Variants in MMS19 observed in about 807,000 individuals in gnomAD.
MMS19 encodes MMS19 nucleotide excision repair protein homolog.
A neutral mutation model predicts 129.8 loss-of-function variants in MMS19; 77 were observed. The observed-to-expected ratio is 0.59, with a 90% CI of 0.49 to 0.72. The LOEUF is 0.72. Ranked by LOEUF, MMS19 falls within the 30% of genes least tolerant of loss-of-function variation. The probability of loss-of-function intolerance (pLI) is 0.00; values close to 1 mark genes in which losing one functional copy is unlikely to be tolerated. For synonymous variants in MMS19, 491 were observed against 502.8 expected (o/e 0.98, Z 0.31); for missense variants, 1,168 against 1,266.3 (o/e 0.92, Z 1.18).
At chr10:97,483,792 C>G (rs143789502) in intron 2 of MMS19, among the ~76,000 whole-genome samples, 200 of 152,336 alleles carry the variant, frequency 1.3e-3, no homozygotes, top group Non-Finnish European at 2.3e-3. Context: ...TACAGATGCA[C>G]AAAGGAATCA....
intron 8 of MMS19, among the ~76,000 whole-genome samples, chr10:97,472,400 G>A (rs1260798707): frequency 6.6e-6 from 1 of 152,020 alleles, no homozygotes; most frequent in Admixed American, 6.6e-5. Context: ...ACCATGCCCG[G>A]CTAATTTTTT....
chr10:97,498,151 AC>A (rs1221749323), intron 1 of MMS19, 121 bp downstream of exon 1: 2 of 910,798 alleles, frequency 2.2e-6, no homozygotes, highest in African/African-American at 3.4e-5. Context: ...GTGCTCACTA[AC>A]CAGCCTTGAG....
At chr10:97,498,215 G>A in intron 1 of MMS19, 58 bp downstream of exon 1, 1 of 1,479,898 alleles carries the variant, frequency 6.8e-7, no homozygotes. Context: ...CGCCTGTACT[G>A]AGGCCGCTCC....
chr10:97,492,599 T>C (rs11591644), intron 1 of MMS19, among the ~76,000 whole-genome samples: 35,738 of 147,766 alleles, frequency 0.24, 4,448 homozygotes, highest in Non-Finnish European at 0.28. Context: ...CTGTAATCCT[T>C]GCACTTTGGG....
At chr10:97,492,344 G>A (rs564718521) in intron 1 of MMS19, among the ~76,000 whole-genome samples, 11 of 151,294 alleles carry the variant, frequency 7.3e-5, no homozygotes, top group Admixed American at 2.0e-4. Flanking sequence ...GCGTGGTGGC[G>A]GGCGCCTGTA....
At chr10:97,486,191 T>C (rs1195925042) in intron 1 of MMS19, among the ~76,000 whole-genome samples, 1 of 152,216 alleles carries the variant, frequency 6.6e-6, no homozygotes, top group African/African-American at 2.4e-5. Flanking sequence ...TTTGTTTGTT[T>C]GTTTTTTTCT....
At chr10:97,468,674 C>T (rs1010128069) in intron 12 of MMS19, among the ~76,000 whole-genome samples, 7 of 152,036 alleles carry the variant, frequency 4.6e-5, no homozygotes, top group Non-Finnish European at 8.8e-5. Context: ...AGTGCAGTGG[C>T]GCAATCTCAG....
intron 8 of MMS19, among the ~76,000 whole-genome samples, chr10:97,471,927 G>A (rs1157845746): frequency 6.6e-6 from 1 of 152,174 alleles, no homozygotes; most frequent in Non-Finnish European, 1.5e-5. Flanking sequence ...AAAATCAGAG[G>A]TCCAACAGAA....
At position 97,462,035 on chromosome 10, in the gene MMS19, G is replaced by T. The variant is rs2133312855; in HGVS notation, c.2097C>A (p.Ser699Arg). The T allele has an allele frequency of 6.3e-7, 1 of 1,591,668 alleles. No homozygotes were observed. The highest frequency in any genetic ancestry group is 1.8e-5 in the Admixed American group (1 of 56,516). The change falls in exon 21 of 31, where the codon AGC becomes AGA. Residue 699 changes from serine to arginine, a missense_variant. Coordinates refer to ENST00000438925, the MANE Select transcript of MMS19 (RefSeq NM_022362.5). ...VSFLPENSFP[S>R]RFQPFQDGSS... ...CTGTTACCTGGAATGGCTGGAATCT[G>T]CTCGGGAAGCTGTTTTCAGGCAGAA...
At chr10:97,490,161 C>T (rs1047474762) in intron 1 of MMS19, among the ~76,000 whole-genome samples, 1 of 152,086 alleles carries the variant, frequency 6.6e-6, no homozygotes, top group Non-Finnish European at 1.5e-5. Flanking sequence ...TCACTGCAGC[C>T]TCGACTTCCC....
chr10:97,485,777 T>C (rs779137296), intron 1 of MMS19, among the ~76,000 whole-genome samples: 1 of 152,214 alleles, frequency 6.6e-6, no homozygotes, highest in Non-Finnish European at 1.5e-5. Context: ...TAGTGAGATA[T>C]CACTTCATAC....
rs762133054 is a variant in MMS19 at position 97,480,925 on chromosome 10, A to G, written c.262+17T>C. The G allele has an allele frequency of 2.6e-6, 4 of 1,553,726 alleles. No homozygotes were observed. The highest frequency in any genetic ancestry group is 3.5e-6 in the Non-Finnish European group (4 of 1,133,972). On this transcript the variant is annotated intron_variant, in intron 3 of 30. Transcript: ENST00000438925. ...CTCAGCAATCCAGGAAGACATTCCT[A>G]TTAGTGACACCAGTACCTTCCTTCT...
At chr10:97,496,025 C>T (rs547195316) in intron 1 of MMS19, among the ~76,000 whole-genome samples, 43 of 152,242 alleles carry the variant, frequency 2.8e-4, no homozygotes, top group South Asian at 1.0e-3. Flanking sequence ...AAGCAATCCG[C>T]CTACCTTGTT....
At position 97,460,758 on chromosome 10, in the gene MMS19, T is replaced by A. The variant is rs373070416; in HGVS notation, c.2413-7A>T. 4.6e-5 allele frequency: 74 copies of A among 1,594,078 alleles called. No homozygotes were observed. The highest frequency in any genetic ancestry group is 6.2e-5 in the Non-Finnish European group (72 of 1,169,648). Reference sequence around the variant, plus strand: ...GCACTAGGGCCTTTGTTACCTGTAATTGGAGACAGAGAGAGCAATTGGGGA... The same window carrying A: ...GCACTAGGGCCTTTGTTACCTGTAAATGGAGACAGAGAGAGCAATTGGGGA... On this transcript the variant is annotated splice_polypyrimidine_tract_variant and splice_region_variant and intron_variant, in intron 24 of 30. Transcript: ENST00000438925.
At chr10:97,460,535 G>A (rs2031496182) in intron 25 of MMS19, among the ~76,000 whole-genome samples, 160 bp downstream of exon 25, 2 of 152,136 alleles carry the variant, frequency 1.3e-5, no homozygotes, top group South Asian at 4.1e-4. Flanking sequence ...TTGCACTACT[G>A]TACTCCAGCC....
intron 12 of MMS19, 44 bp from the exon 13 acceptor site, chr10:97,468,450 G>A (rs1176682366): frequency 1.3e-6 from 2 of 1,540,578 alleles, no homozygotes; most frequent in Non-Finnish European, 1.8e-6. Flanking sequence ...AGGCCAAATG[G>A]TGCCTGACTC....
chr10:97,497,377 A>G (rs950624403), intron 1 of MMS19, among the ~76,000 whole-genome samples: 2 of 152,200 alleles, frequency 1.3e-5, no homozygotes, highest in African/African-American at 4.8e-5. Context: ...AATACGCTCA[A>G]TATCCAAGAG....
chr10:97,485,260 C>CT (rs1341615464), intron 1 of MMS19, among the ~76,000 whole-genome samples: 2 of 152,084 alleles, frequency 1.3e-5, no homozygotes, highest in African/African-American at 4.8e-5. Flanking sequence ...TCCCGAGTAC[C>CT]TGGAATTACA....
intron 16 of MMS19, 34 bp downstream of exon 16, chr10:97,466,470 C>T: frequency 2.0e-6 from 3 of 1,514,492 alleles, no homozygotes; most frequent in Non-Finnish European, 1.8e-6. Flanking sequence ...AGGCAGGGAA[C>T]AGCTTGCTCT....
Sources: gnomAD v4.1 joint callset for allele counts (sites outside exome capture counted in the v4.1 genomes callset) on GRCh38, gnomAD v4.1.1 for gene constraint, MANE v1.5 for transcripts, NCBI Gene and HGNC (gene_info 2026-07-23, HGNC 2026-07-21) for gene names.